The following ABCA9 variants were observed in gnomAD, a reference collection of about 807,000 sequenced individuals.
ABCA9 encodes ATP-binding cassette sub-family A member 9.
ABCA9 carries 183 observed loss-of-function variants against 205.3 expected under a neutral mutation model. The ratio of observed to expected loss-of-function variants is 0.89; its 90% CI spans 0.79 to 1.01. The LOEUF (loss-of-function observed/expected upper bound fraction) is 1.01, where lower values mean the gene tolerates loss of function less well. Ranked by LOEUF, ABCA9 falls within the 50% of genes least tolerant of loss-of-function variation. The pLI is 0.00. For synonymous variants in ABCA9, 651 were observed against 683.3 expected (o/e 0.95, Z 0.74); for missense variants, 1,805 against 1,912.4 (o/e 0.94, Z 1.05).
intron 23 of ABCA9, among the ~76,000 whole-genome samples, chr17:69,009,104 T>A (rs948995560): frequency 1.3e-5 from 2 of 152,106 alleles, no homozygotes; most frequent in African/African-American, 4.8e-5. Flanking sequence ...ATGTATACCG[T>A]ATGGCTGGCT....
At position 69,035,743 on chromosome 17, in the gene ABCA9, G is replaced by A; in HGVS notation, c.859C>T (p.Leu287Phe). Reference sequence around the variant, plus strand: ...ACAATTTGTGCAGATTTTACAATAAGAGCCATTAAAGTGGCCATGATAAGG... The same window carrying A: ...ACAATTTGTGCAGATTTTACAATAAAAGCCATTAAAGTGGCCATGATAAGG... ...FILIMATLMA[L>F]IVKSAQIVVL... The change falls in exon 7 of 39, where the codon CTT (leucine) becomes TTT (phenylalanine). Residue 287 changes from leucine to phenylalanine, a missense_variant. Transcript: ENST00000340001. 6.2e-7 allele frequency: 1 copy of A among 1,613,656 alleles called. No homozygotes were observed. The highest frequency in any genetic ancestry group is 8.5e-7 in the Non-Finnish European group (1 of 1,179,810).
At chr17:69,018,654 G>T (rs2070719093) in intron 19 of ABCA9, 75 bp from the exon 20 acceptor site, 1 of 1,083,518 alleles carries the variant, frequency 9.2e-7, no homozygotes, top group Non-Finnish European at 1.3e-6. Flanking sequence ...AAGGTATAAT[G>T]AATATAATAA....
chr17:69,034,199 A>G (rs927756044), intron 8 of ABCA9, among the ~76,000 whole-genome samples: 3 of 152,078 alleles, frequency 2.0e-5, no homozygotes, highest in Non-Finnish European at 2.9e-5. Flanking sequence ...ATGTCAGTAC[A>G]AGAAGTGTTT....
intron 26 of ABCA9, among the ~76,000 whole-genome samples, chr17:68,994,898 C>T (rs1033645253): frequency 3.9e-5 from 6 of 152,152 alleles, no homozygotes; most frequent in Admixed American, 1.3e-4. Flanking sequence ...TCCTTCTTAG[C>T]ACAGACAAAA....
Position 69,018,429 on chromosome 17 carries a change from C to CA in ABCA9, c.2750dup (p.Val918GlyfsTer4). 1 of 1,582,196 alleles carries CA rather than the reference C, an allele frequency of 6.3e-7. No individual in the cohort carries two copies. On this transcript the variant is annotated frameshift_variant, in exon 20 of 39. Coordinates refer to ENST00000340001, the MANE Select transcript of ABCA9 (RefSeq NM_080283.4). LOFTEE classifies it high-confidence loss of function. ...CATGTTCACCTGTCTTATTGATGAC[C>CA]AGTAAATGGGTCAGAGGATCCTGTG... is the stretch of plus-strand genomic sequence containing the variant.
rs370072409 is a variant in ABCA9 at position 69,035,745 on chromosome 17, G to T, written c.857C>A (p.Ala286Asp). The T allele has an allele frequency of 9.9e-6, 16 of 1,613,494 alleles. No individual in the cohort carries two copies. The African/African-American group carries it at 1.3e-4, about 13-fold the overall frequency. ...AATTTGTGCAGATTTTACAATAAGA[G>T]CCATTAAAGTGGCCATGATAAGGAT... The part of the protein sequence containing the change: ...GFILIMATLM[A>D]LIVKSAQIVV... Residue 286 changes from alanine to aspartate, a missense_variant, in exon 7 of 39, where the codon GCT (alanine) becomes GAT (aspartate). By Grantham distance (126) the Ala-to-Asp change is moderately radical. Transcript: ENST00000340001.
intron 27 of ABCA9, chr17:68,992,497 C>A (rs991858910): frequency 9.3e-6 from 3 of 321,398 alleles, no homozygotes; most frequent in African/African-American, 6.5e-5. Context: ...CAGTACTACC[C>A]ATGACAGATA....
chr17:68,986,485 A>G (rs1368754383), intron 31 of ABCA9, 161 bp from the exon 32 acceptor site: 2 of 619,862 alleles, frequency 3.2e-6, no homozygotes. Context: ...AGGTGGTAAA[A>G]GCCCACTTTA....
In ABCA9 at chr17:69,051,453, A is replaced by C. The variant is rs541112730; in HGVS notation, c.-13-314T>G. 8.0e-5 allele frequency: 22 copies of C among 274,810 alleles called. No individual in the cohort carries two copies. In the East Asian group the frequency reaches 1.6e-3, roughly 20 times the overall value. 17.0% of individuals were successfully genotyped at this position (274,810 alleles called of 1,614,324 possible). A position where few individuals can be genotyped will look rare whatever the true frequency, so the allele number is the denominator to read the frequency against. On this transcript the variant is annotated intron_variant, in intron 1 of 38. Transcript: ENST00000340001. Reference sequence around the variant, plus strand: ...TAAATTGTCTAATGGGGAGAAAGGAACTTTCCGCCTTGTTGTTGGGGGTAC... The same window carrying C: ...TAAATTGTCTAATGGGGAGAAAGGACCTTTCCGCCTTGTTGTTGGGGGTAC...
intron 23 of ABCA9, among the ~76,000 whole-genome samples, chr17:69,009,814 C>T (rs944485191): frequency 6.6e-6 from 1 of 152,040 alleles, no homozygotes; most frequent in African/African-American, 2.4e-5. Context: ...CGTGACTTCA[C>T]CATTAGCCAG....
intron 1 of ABCA9, among the ~76,000 whole-genome samples, chr17:69,055,272 A>G (rs1443071471): frequency 6.6e-6 from 1 of 152,250 alleles, no homozygotes; most frequent in Non-Finnish European, 1.5e-5. Context: ...CTTTAAATAT[A>G]AAGACACATA....
chr17:69,043,799 G>A (rs1446331633), intron 5 of ABCA9, 84 bp from the exon 6 acceptor site: 23 of 1,133,518 alleles, frequency 2.0e-5, no homozygotes, highest in Admixed American at 9.8e-5. Flanking sequence ...AAGGAATCAC[G>A]TACATTCTAC....
chr17:68,982,730 C>T, intron 36 of ABCA9, 89 bp from the exon 37 acceptor site: 10 of 1,017,332 alleles, frequency 9.8e-6, no homozygotes, highest in Non-Finnish European at 1.2e-5. Flanking sequence ...CAAGGCTAGG[C>T]ATGGTGGCCC....
chr17:69,018,370 A>G (rs766049331), intron 20 of ABCA9, 43 bp downstream of exon 20: 1 of 1,422,974 alleles, frequency 7.0e-7, no homozygotes. Flanking sequence ...GAATCTCTCA[A>G]CAAGAACAAC....
At chr17:69,040,311 C>T (rs1443599225) in intron 6 of ABCA9, among the ~76,000 whole-genome samples, 4 of 152,100 alleles carry the variant, frequency 2.6e-5, no homozygotes, top group African/African-American at 4.8e-5. Context: ...CAACCCAATG[C>T]CCATAAATGC....
chr17:69,027,886 A>G (rs2071044643), intron 12 of ABCA9, 71 bp from the exon 13 acceptor site: 1 of 1,194,950 alleles, frequency 8.4e-7, no homozygotes, highest in African/African-American at 1.5e-5. Context: ...TTTAAAATGG[A>G]AAACACTGTA....
intron 1 of ABCA9, among the ~76,000 whole-genome samples, chr17:69,059,071 A>C (rs2072155581): frequency 1.3e-5 from 2 of 152,106 alleles, no homozygotes; most frequent in South Asian, 4.1e-4. Context: ...CCCAGGAAAG[A>C]CCTGCCCCAA....
At chr17:69,060,380 A>C (rs954395453) in intron 1 of ABCA9, among the ~76,000 whole-genome samples, 4 of 152,284 alleles carry the variant, frequency 2.6e-5, no homozygotes, top group East Asian at 1.9e-4. Context: ...ATTTTAAAAT[A>C]GTTACTATAA....
In ABCA9 at chr17:68,996,001, G is replaced by A. The variant is rs923998647; in HGVS notation, c.3449C>T (p.Ser1150Leu). The change falls in exon 26 of 39, where the codon TCG becomes TTG. Residue 1150 changes from serine (S) to leucine (L), a missense_variant. Transcript: ENST00000340001. ...SFFFLIVVIF[S>L]IVATDLNEYG... ...TTCATTTAGATCAGTAGCAACTATC[G>A]AGAAGATGACCACCTAAAACAAATG... 5 of 1,613,330 alleles carry A rather than the reference G, an allele frequency of 3.1e-6. No homozygotes were observed. Among genetic ancestry groups the A allele is most frequent in the South Asian group, 2.2e-5 (2 of 91,064 alleles).
Sources: allele counts gnomAD v4.1 joint callset (sites outside exome capture counted in the v4.1 genomes callset), GRCh38; gene constraint gnomAD v4.1.1; transcripts MANE v1.5; gene names NCBI Gene and HGNC (gene_info 2026-07-23, HGNC 2026-07-21).